The following SLC38A3 variants were observed in gnomAD, a reference collection of about 807,000 sequenced individuals.
SLC38A3 encodes solute carrier family 38 member 3.
A neutral mutation model predicts 59.5 loss-of-function variants in SLC38A3; 17 were observed. The ratio of observed to expected loss-of-function variants is 0.29; its 90% confidence interval spans 0.20 to 0.43. The LOEUF (loss-of-function observed/expected upper bound fraction) is 0.43, where lower values mean the gene tolerates loss of function less well. Ranked by LOEUF, SLC38A3 falls within the 20% of genes least tolerant of loss-of-function variation. SLC38A3 has a pLI of 1.00. For missense variants in SLC38A3, 454 were observed against 653.9 expected, an observed-to-expected ratio of 0.69 and a Z score of 3.33; for synonymous variants, 238 against 260.3, an observed-to-expected ratio of 0.91 and a Z score of 0.82.
chr3:50,206,211 C>CTT (rs1699646139), intron 1 of SLC38A3, among the ~76,000 whole-genome samples: 1 of 152,280 alleles, frequency 6.6e-6, no homozygotes, highest in African/African-American at 2.4e-5. Flanking sequence ...GGGACCCGCC[C>CTT]TTTTCCCCCC....
At chr3:50,208,346 T>C (rs1475255509) in intron 1 of SLC38A3, among the ~76,000 whole-genome samples, 1 of 150,926 alleles carries the variant, frequency 6.6e-6, no homozygotes, top group Admixed American at 6.6e-5. Context: ...CACTGTAGCC[T>C]CTGCCTCCCA....
At chr3:50,209,341 A>G (rs1220129294) in intron 1 of SLC38A3, among the ~76,000 whole-genome samples, 2 of 152,152 alleles carry the variant, frequency 1.3e-5, no homozygotes, top group Non-Finnish European at 2.9e-5. Flanking sequence ...AGCTACAAGC[A>G]TCTGTTAGAA....
chr3:50,210,952 G>A (rs534222890), intron 1 of SLC38A3, among the ~76,000 whole-genome samples: 1 of 152,280 alleles, frequency 6.6e-6, no homozygotes, highest in South Asian at 2.1e-4. Context: ...TGAAGGCTTT[G>A]GGGAGGCTCC....
At chr3:50,212,436 G>A (rs1021345497) in intron 1 of SLC38A3, among the ~76,000 whole-genome samples, 3 of 152,228 alleles carry the variant, frequency 2.0e-5, no homozygotes, top group Non-Finnish European at 4.4e-5. Context: ...TAGGGCAGGG[G>A]CATGAGGACA....
At chr3:50,211,730 A>G (rs1030392049) in intron 1 of SLC38A3, among the ~76,000 whole-genome samples, 1 of 151,834 alleles carries the variant, frequency 6.6e-6, no homozygotes, top group Non-Finnish European at 1.5e-5. Context: ...CTGGGATTAC[A>G]GGCATGCGCC....
At position 50,220,219 on chromosome 3, in the gene SLC38A3, T is replaced by C; in HGVS notation, c.*42T>C. On this transcript the variant is annotated 3_prime_UTR_variant, in exon 16 of 16. Coordinates refer to ENST00000614032, the MANE Select transcript of SLC38A3 (RefSeq NM_006841.6). Reference sequence around the variant, plus strand: ...TTCTGTCTACTCACCCTAGCAGCCCTGCCCAGACTCTTCAGCCCCTGCTCC... The same window carrying C: ...TTCTGTCTACTCACCCTAGCAGCCCCGCCCAGACTCTTCAGCCCCTGCTCC... The C allele has an allele frequency of 6.9e-7, 1 of 1,457,580 alleles. No homozygotes were observed. 90.3% of individuals were successfully genotyped at this position (1,457,580 alleles called of 1,614,324 possible).
intron 1 of SLC38A3, among the ~76,000 whole-genome samples, chr3:50,205,863 G>T (rs1699639259): frequency 6.6e-6 from 1 of 152,220 alleles, no homozygotes; most frequent in African/African-American, 2.4e-5. Context: ...CGGCTGCTCC[G>T]GACAAGGGCT....
chr3:50,208,562 C>T (rs1057175910), intron 1 of SLC38A3, among the ~76,000 whole-genome samples: 8 of 152,246 alleles, frequency 5.3e-5, no homozygotes, highest in African/African-American at 1.9e-4. Context: ...CATGCCCGGC[C>T]TTACAGCTGT....
At chr3:50,211,096 CT>C (rs1699719855) in intron 1 of SLC38A3, among the ~76,000 whole-genome samples, 1 of 152,232 alleles carries the variant, frequency 6.6e-6, no homozygotes, top group South Asian at 2.1e-4. Flanking sequence ...AGAGGGTCTA[CT>C]CTGGGCTTTC....
chr3:50,209,110 TG>T (rs941530236), intron 1 of SLC38A3, among the ~76,000 whole-genome samples: 7 of 152,186 alleles, frequency 4.6e-5, no homozygotes, highest in African/African-American at 1.7e-4. Flanking sequence ...CCCCTGCCCC[TG>T]GGGGGCCACA....
chr3:50,214,183 G>A lies in SLC38A3; in HGVS notation c.-17G>A. 6.2e-7 allele frequency: 1 copy of A among 1,610,332 alleles called. No individual in the cohort carries two copies. The highest frequency in any genetic ancestry group is 8.5e-7 in the Non-Finnish European group (1 of 1,177,726). On this transcript the variant is annotated 5_prime_UTR_variant, in exon 2 of 16. The change creates a new upstream start codon in the 5' untranslated region. Transcript: ENST00000614032. The surrounding 1 kb of genome is among the most constrained non-coding windows in gnomAD (Gnocchi z 6.0). ...TGTTGGTGTGAGACCAGTGCTCCTG[G>A]TGGTGTGCCCTGAGCCATGGAGGCG...
At position 50,214,067 on chromosome 3, in the gene SLC38A3, G is replaced by A; in HGVS notation, c.-51-82G>A. The A allele has an allele frequency of 4.0e-6, 3 of 743,378 alleles. No homozygotes were observed. In the South Asian group the frequency reaches 5.2e-5, roughly 13 times the overall value. 46.0% of individuals were successfully genotyped at this position (743,378 alleles called of 1,614,324 possible). On this transcript the variant is annotated intron_variant, in intron 1 of 15. Coordinates refer to ENST00000614032, the MANE Select transcript of SLC38A3 (RefSeq NM_006841.6). This position sits in a 1 kb window ranked among gnomAD's most constrained non-coding sequence, Gnocchi z 6.0. The stretch of plus-strand genomic sequence containing the variant: ...CCCCGAGTGACCATCTGGGAGGTGT[G>A]CTATGGCTGCAGGCCTCAGGTAGGA...
chr3:50,212,907 C>T (rs1699753661), intron 1 of SLC38A3, among the ~76,000 whole-genome samples: 1 of 152,172 alleles, frequency 6.6e-6, no homozygotes, highest in African/African-American at 2.4e-5. Flanking sequence ...GGATTCAGGA[C>T]CAGGTTCTGG....
intron 1 of SLC38A3, among the ~76,000 whole-genome samples, chr3:50,206,777 G>A (rs1233231785): frequency 6.6e-6 from 1 of 152,198 alleles, no homozygotes; most frequent in Non-Finnish European, 1.5e-5. Flanking sequence ...TGGGCCCATG[G>A]GACCCATGTC....
Position 50,218,560 on chromosome 3 carries a change from C to T in SLC38A3, c.1037-33C>T, listed in dbSNP as rs764645391. On this transcript the variant is annotated intron_variant, in intron 12 of 15. Coordinates refer to ENST00000614032, the MANE Select transcript of SLC38A3 (RefSeq NM_006841.6). This position sits in a 1 kb window ranked among gnomAD's most constrained non-coding sequence, Gnocchi z 5.8. ...CTCAGATCCCACCTCCTTCCTGGGGCCACCTACTGACCACCCTCCCTGCCT... is the reference window on the plus strand; with the variant it reads ...CTCAGATCCCACCTCCTTCCTGGGGTCACCTACTGACCACCCTCCCTGCCT... The T allele has an allele frequency of 8.1e-6, 13 of 1,604,142 alleles. No individual in the cohort carries two copies. The highest frequency in any genetic ancestry group is 2.7e-5 in the African/African-American group (2 of 74,826).
intron 14 of SLC38A3, 89 bp from the exon 15 acceptor site, chr3:50,219,792 G>A (rs587635620): frequency 9.5e-7 from 1 of 1,050,954 alleles, no homozygotes; most frequent in East Asian, 2.6e-5. Flanking sequence ...CCTCAACAAG[G>A]AGTGTTTGAT....
intron 7 of SLC38A3, among the ~76,000 whole-genome samples, chr3:50,216,297 G>A (rs1048046165): frequency 1.3e-5 from 2 of 152,228 alleles, no homozygotes; most frequent in Non-Finnish European, 2.9e-5. Context: ...AGCCCAGCCC[G>A]AGCAAGCAGA....
chr3:50,210,495 G>A (rs573848645), intron 1 of SLC38A3, among the ~76,000 whole-genome samples: 1 of 152,308 alleles, frequency 6.6e-6, no homozygotes, highest in East Asian at 1.9e-4. Flanking sequence ...TGCCGACCCA[G>A]ACCCACTTAT....
intron 1 of SLC38A3, among the ~76,000 whole-genome samples, chr3:50,211,429 G>A (rs1030032565): frequency 2.0e-5 from 3 of 152,146 alleles, no homozygotes; most frequent in Non-Finnish European, 4.4e-5. Flanking sequence ...AGCTTGCCTC[G>A]TACTGCACCT....
Sources: gnomAD v4.1 joint callset for allele counts (sites outside exome capture counted in the v4.1 genomes callset) on GRCh38, gnomAD v4.1.1 for gene constraint, Gnocchi (gnomAD v3.1) non-coding constraint, MANE v1.5 for transcripts, NCBI Gene and HGNC (gene_info 2026-07-23, HGNC 2026-07-21) for gene names.